Variants in ITPK1 observed in about 807,000 individuals in gnomAD.
ITPK1 encodes the protein inositol-tetrakisphosphate 1-kinase.
In ITPK1, 21 loss-of-function variants were observed where a neutral mutation model predicts 45.3. The observed-to-expected ratio is 0.46, with a 90% CI of 0.33 to 0.67. The LOEUF is 0.67. ITPK1 is among the 30% of genes least tolerant of loss of function. The pLI is 0.02. For synonymous variants in ITPK1, 258 were observed against 253.6 expected (o/e 1.02, Z -0.16); for missense variants, 474 against 573.5 (o/e 0.83, Z 1.77).
At position 93,093,218 on chromosome 14, in the gene ITPK1, G is replaced by A. The variant is rs373486237; in HGVS notation, c.96-16599C>T. Among the ~76,000 whole-genome samples, 8 of 152,304 alleles carry A rather than the reference G, an allele frequency of 5.3e-5. No individual in the cohort carries two copies. The South Asian group carries it at 1.2e-3, about 24-fold the overall frequency. ...ACACGACCCACACCTACATGGACAC[G>A]GCAGAAAGGACAAAGGACAGGGTCC... On this transcript the variant is annotated intron_variant, in intron 2 of 10. Transcript: ENST00000267615.
chr14:93,074,789 G>A (rs1490313241), intron 3 of ITPK1, among the ~76,000 whole-genome samples: 1 of 152,160 alleles, frequency 6.6e-6, no homozygotes, highest in Non-Finnish European at 1.5e-5. Context: ...CCGCATCCTA[G>A]AGGTGCAATG....
chr14:93,109,553 C>G (rs1566791028), intron 2 of ITPK1, among the ~76,000 whole-genome samples: 1 of 152,138 alleles, frequency 6.6e-6, no homozygotes, highest in Non-Finnish European at 1.5e-5. Flanking sequence ...TTCAGGAAAT[C>G]CAGAACAAAC....
chr14:93,051,396 G>A (rs145840409), intron 3 of ITPK1, among the ~76,000 whole-genome samples: 1,801 of 152,248 alleles, frequency 0.012, 37 homozygotes, highest in African/African-American at 0.041. Context: ...CGGGCGGATC[G>A]CTTGAACTCA....
At chr14:93,013,173 C>T (rs1888001631) in intron 4 of ITPK1, among the ~76,000 whole-genome samples, 1 of 152,210 alleles carries the variant, frequency 6.6e-6, no homozygotes, top group Non-Finnish European at 1.5e-5. Context: ...CAGGCAGAGC[C>T]TCAGGGGCAA....
In ITPK1 at chr14:93,014,392, A is replaced by G. The variant is rs1456679694; in HGVS notation, c.246+2284T>C. Among the ~76,000 whole-genome samples the G allele has an allele frequency of 6.6e-6, 1 of 152,186 alleles. No individual in the cohort carries two copies. The highest frequency in any genetic ancestry group is 1.5e-5 in the Non-Finnish European group (1 of 68,020). On this transcript the variant is annotated intron_variant, in intron 4 of 10. Transcript: ENST00000267615. The surrounding 1 kb of genome is among the most constrained non-coding windows in gnomAD (Gnocchi z 4.4). The stretch of plus-strand genomic sequence containing the variant: ...TGTGTCTGGGAAGTGGGCAAGAGGG[A>G]TAAGAGCTTGGGAGCAGATGTTCCA...
rs1299665699 is a variant in ITPK1, at chr14:92,940,417, T to C, written c.*1144A>G. 6 of 1,034,112 alleles carry C rather than the reference T, an allele frequency of 5.8e-6. No individual in the cohort carries two copies. The highest frequency in any genetic ancestry group is 7.0e-6 in the Non-Finnish European group (6 of 858,242). 64.1% of individuals were successfully genotyped at this position (1,034,112 alleles called of 1,614,324 possible). A position where few individuals can be genotyped will look rare whatever the true frequency, so the allele number is the denominator to read the frequency against. On this transcript the variant is annotated 3_prime_UTR_variant, in exon 11 of 11. Coordinates refer to ENST00000267615, the MANE Select transcript of ITPK1 (RefSeq NM_014216.6). ...AGCCAGTGCTTTGCTGCCAAGGTGA[T>C]GGGGTGAGTCTGAGGTGTGCAGAAG...
At chr14:92,983,619 C>T (rs530750356) in intron 5 of ITPK1, among the ~76,000 whole-genome samples, 3 of 152,314 alleles carry the variant, frequency 2.0e-5, no homozygotes, top group African/African-American at 7.2e-5. Context: ...TAACGACAAA[C>T]ACACATCAAT....
chr14:93,035,919 G>T (rs761205328), intron 3 of ITPK1, among the ~76,000 whole-genome samples: 3 of 152,226 alleles, frequency 2.0e-5, no homozygotes, highest in African/African-American at 4.8e-5. Context: ...CCTGGGCTAA[G>T]GGTGGCAGGC....
At chr14:93,088,743 C>T (rs1018433468) in intron 2 of ITPK1, among the ~76,000 whole-genome samples, 11 of 152,106 alleles carry the variant, frequency 7.2e-5, no homozygotes, top group Non-Finnish European at 1.3e-4. Context: ...GCAATCCTCC[C>T]GCCTTGGCCT....
At chr14:93,006,738 G>A (rs1256985193) in intron 4 of ITPK1, among the ~76,000 whole-genome samples, 1 of 152,184 alleles carries the variant, frequency 6.6e-6, no homozygotes, top group African/African-American at 2.4e-5. Flanking sequence ...GCAAAACAAT[G>A]GTGTTCAGGC....
At chr14:93,027,550 G>A (rs1888801652) in intron 3 of ITPK1, among the ~76,000 whole-genome samples, 1 of 152,154 alleles carries the variant, frequency 6.6e-6, no homozygotes, top group Non-Finnish European at 1.5e-5. Context: ...GGGGGCCAGG[G>A]AGGCAGACTC....
At chr14:93,110,754 G>C (rs1312509464) in intron 2 of ITPK1, among the ~76,000 whole-genome samples, 1 of 152,190 alleles carries the variant, frequency 6.6e-6, no homozygotes, top group Non-Finnish European at 1.5e-5. Flanking sequence ...CCAGAAACAC[G>C]TTTCTTGCAA....
intron 2 of ITPK1, among the ~76,000 whole-genome samples, chr14:93,090,685 C>G (rs1891833585): frequency 6.6e-6 from 1 of 152,112 alleles, no homozygotes. Flanking sequence ...GAATAAAACT[C>G]CAGGGACAGG....
chr14:92,962,902 T>G, intron 5 of ITPK1, 53 bp from the exon 6 acceptor site: 1 of 1,312,492 alleles, frequency 7.6e-7, no homozygotes, highest in African/African-American at 1.5e-5. Flanking sequence ...CCGCCCCAGG[T>G]GCACGTCCTG....
At chr14:92,998,241 C>T (rs901235081) in intron 4 of ITPK1, among the ~76,000 whole-genome samples, 3 of 152,208 alleles carry the variant, frequency 2.0e-5, no homozygotes, top group Admixed American at 2.0e-4. Context: ...TCTCATTACC[C>T]TGCAACACCT....
chr14:93,061,622 C>T (rs1157245410), intron 3 of ITPK1, among the ~76,000 whole-genome samples: 2 of 152,206 alleles, frequency 1.3e-5, no homozygotes, highest in African/African-American at 4.8e-5. Flanking sequence ...AAGACCTTCC[C>T]TTTCTGTAAT....
intron 3 of ITPK1, among the ~76,000 whole-genome samples, chr14:93,051,986 T>C (rs1301504650): frequency 1.3e-5 from 2 of 152,232 alleles, no homozygotes; most frequent in African/African-American, 4.8e-5. Flanking sequence ...GGCACCACCA[T>C]CTTCACCCTT....
chr14:93,098,548 T>A (rs1358696577), intron 2 of ITPK1, among the ~76,000 whole-genome samples: 1 of 151,774 alleles, frequency 6.6e-6, no homozygotes, highest in Non-Finnish European at 1.5e-5. Flanking sequence ...GAATTGCTTG[T>A]CCAACCTGAC....
chr14:93,029,296 C>T (rs1888910285), intron 3 of ITPK1, among the ~76,000 whole-genome samples: 1 of 152,142 alleles, frequency 6.6e-6, no homozygotes, highest in Admixed American at 6.5e-5. Context: ...CCGCCCCTCA[C>T]CTCCACCTGG....
Sources: gnomAD v4.1 joint callset for allele counts (sites outside exome capture counted in the v4.1 genomes callset) on GRCh38, gnomAD v4.1.1 for gene constraint, Gnocchi (gnomAD v3.1) non-coding constraint, MANE v1.5 for transcripts, NCBI Gene and HGNC (gene_info 2026-07-23, HGNC 2026-07-21) for gene names.